Variants in BANP observed in about 807,000 individuals in gnomAD.
BANP encodes the protein protein BANP.
BANP carries 11 observed loss-of-function variants against 68.1 expected under a neutral mutation model. That is an observed-to-expected ratio of 0.16 (90% CI 0.10 to 0.27). The LOEUF (loss-of-function observed/expected upper bound fraction) is 0.27, where lower values mean the gene tolerates loss of function less well. Ranked by LOEUF, BANP falls within the 10% of genes least tolerant of loss-of-function variation. The pLI, the probability that BANP is intolerant of heterozygous loss-of-function variation, is 1.00. For synonymous variants in BANP, 329 were observed against 303.2 expected, an observed-to-expected ratio of 1.09 and a Z score of -0.88; for missense variants, 504 against 722.7, an observed-to-expected ratio of 0.70 and a Z score of 3.47.
chr16:88,042,527 A>G (rs561020229), intron 11 of BANP, among the ~76,000 whole-genome samples: 8 of 152,374 alleles, frequency 5.3e-5, no homozygotes, highest in Admixed American at 5.2e-4. Context: ...CTAGGTGCAC[A>G]TGCTGTCGTG....
At chr16:88,038,266 A>G (rs72631418) in intron 11 of BANP, among the ~76,000 whole-genome samples, 39,200 of 152,036 alleles carry the variant, frequency 0.26, 5,763 homozygotes, top group East Asian at 0.6. Flanking sequence ...CATACAGGCC[A>G]TGGTGCTGCC....
intron 7 of BANP, among the ~76,000 whole-genome samples, chr16:88,025,710 A>T (rs111767457): frequency 6.6e-6 from 1 of 152,200 alleles, no homozygotes. Flanking sequence ...TCGAGTACTT[A>T]AAAAAACCCA....
rs916868114 is a variant in BANP, at chr16:88,056,851, A to G, written c.1312-8416A>G. ...CATTGAGTGAATGAATACAATGGCA[A>G]CTGTTGCCAAGTTAGCAGTTAGTTA... On this transcript the variant is annotated intron_variant, in intron 11 of 13. Coordinates refer to ENST00000682872, the MANE Select transcript of BANP (RefSeq NM_001386991.1). 2.6e-5 allele frequency among the ~76,000 whole-genome samples: 4 copies of G among 152,366 alleles called. 1 individual carries two copies. Among genetic ancestry groups the G allele is most frequent in the South Asian group, 2.1e-4 (1 of 4,830 alleles).
chr16:88,033,206 G>T lies in BANP; in HGVS notation c.1161G>T (p.Val387=). 6.2e-7 allele frequency: 1 copy of T among 1,609,772 alleles called. No homozygotes were observed. Among genetic ancestry groups the T allele is most frequent in the South Asian group, 1.1e-5 (1 of 90,760 alleles). The part of the protein sequence containing the change: ...LHYALANAQQ[V]QIHQIGEDGQ... ...ACGCGCTGGCCAACGCACAGCAGGTGCAGATCCACCAGATCGGAGAAGACG... is the reference window on the plus strand; with the variant it reads ...ACGCGCTGGCCAACGCACAGCAGGTTCAGATCCACCAGATCGGAGAAGACG... The change falls in exon 9 of 14, where the codon GTG becomes GTT. Residue 387 remains valine (V), a synonymous_variant. Coordinates refer to ENST00000682872, the MANE Select transcript of BANP (RefSeq NM_001386991.1).
intron 7 of BANP, among the ~76,000 whole-genome samples, chr16:88,026,101 C>T (rs1352427540): frequency 1.3e-5 from 2 of 152,228 alleles, no homozygotes; most frequent in African/African-American, 4.8e-5. Context: ...GAATACAGGG[C>T]ATCTCTGGAT....
intron 8 of BANP, among the ~76,000 whole-genome samples, chr16:88,030,916 T>C (rs1313042521): frequency 2.0e-5 from 3 of 152,174 alleles, no homozygotes; most frequent in Non-Finnish European, 4.4e-5. Flanking sequence ...AAATGGAGAT[T>C]TCACAAGGTT....
At chr16:88,013,971 G>T (rs1195303350) in intron 6 of BANP, among the ~76,000 whole-genome samples, 1 of 152,216 alleles carries the variant, frequency 6.6e-6, no homozygotes, top group Non-Finnish European at 1.5e-5. Context: ...TGAGCAGGAA[G>T]CGCAGGGCGT....
At chr16:88,038,361 A>G (rs2079919859) in intron 11 of BANP, among the ~76,000 whole-genome samples, 1 of 152,062 alleles carries the variant, frequency 6.6e-6, no homozygotes, top group South Asian at 2.1e-4. Context: ...TTTCCTCACC[A>G]TGACAATGCA....
Position 87,975,171 on chromosome 16 carries a change from G to C in BANP, c.56G>C (p.Ser19Thr). 1 of 1,614,128 alleles carries C rather than the reference G, an allele frequency of 6.2e-7. No individual in the cohort carries two copies. Among genetic ancestry groups the C allele is most frequent in the African/African-American group, 1.3e-5 (1 of 75,026 alleles). ...GTTCAGATTGCAGTGGAAGACCTGA[G>C]CCCTGACCACCCAGGTACAGAGCTG... ...DVVQIAVEDL[S>T]PDHPVVLENH... is the part of the protein sequence containing the mutation. Residue 19 changes from serine to threonine, a missense_variant, in exon 2 of 14, where the codon AGC becomes ACC. By Grantham distance (58) the Ser-to-Thr change is moderately conservative (BLOSUM62 1). This residue lies in a region of BANP where 238 missense variants were observed against 278.9 expected (regional missense o/e 0.85). Coordinates refer to ENST00000682872, the MANE Select transcript of BANP (RefSeq NM_001386991.1).
In BANP at chr16:87,973,191, T is replaced by C. The variant is rs975790898; in HGVS notation, c.-68-1857T>C. ...CTCATTCCGTCTTTCCCAGCTGGACTTTTTAGAGGTTCAGCGCTGGTGCCT... is the reference window on the plus strand; with the variant it reads ...CTCATTCCGTCTTTCCCAGCTGGACCTTTTAGAGGTTCAGCGCTGGTGCCT... On this transcript the variant is annotated intron_variant, in intron 1 of 13. Transcript: ENST00000682872. Among the ~76,000 whole-genome samples, 4 of 152,172 alleles carry C rather than the reference T, an allele frequency of 2.6e-5. No individual in the cohort carries two copies. The Middle Eastern group carries it at 0.01, about 388-fold the overall frequency.
rs1260987815 is a variant in BANP at position 88,077,198 on chromosome 16, G to C, written c.*537G>C. The C allele has an allele frequency of 2.6e-5, 4 of 152,670 alleles. No individual in the cohort carries two copies. The highest frequency in any genetic ancestry group is 7.2e-5 in the African/African-American group (3 of 41,480). 9.5% of individuals were successfully genotyped at this position (152,670 alleles called of 1,614,324 possible). ...GTGCTCTGTCCAGTGTCATGAGGCA[G>C]GTGTTTGCAAAGCCAGCTCTCGGTT... On this transcript the variant is annotated 3_prime_UTR_variant, in exon 14 of 14. Coordinates refer to ENST00000682872, the MANE Select transcript of BANP (RefSeq NM_001386991.1).
chr16:87,984,605 T>C (rs1010685588), intron 4 of BANP, among the ~76,000 whole-genome samples: 4 of 152,290 alleles, frequency 2.6e-5, no homozygotes, highest in African/African-American at 9.6e-5. Flanking sequence ...TTTCTTCGTA[T>C]GTGGTGTTTA....
intron 8 of BANP, among the ~76,000 whole-genome samples, chr16:88,030,572 T>C (rs143934304): frequency 1.4e-3 from 214 of 152,332 alleles, no homozygotes; most frequent in African/African-American, 4.3e-3. Flanking sequence ...CTGCCAGATA[T>C]GTTGGCCTGC....
At chr16:88,055,267 C>G (rs2084707808) in intron 11 of BANP, among the ~76,000 whole-genome samples, 1 of 152,028 alleles carries the variant, frequency 6.6e-6, no homozygotes, top group South Asian at 2.1e-4. Context: ...ATCTGTAATC[C>G]ATACACCCAC....
intron 13 of BANP, among the ~76,000 whole-genome samples, chr16:88,075,599 C>T (rs1204462766): frequency 6.6e-6 from 1 of 152,208 alleles, no homozygotes; most frequent in Non-Finnish European, 1.5e-5. Context: ...TCTCCTGGCT[C>T]TTCCTTTGTG....
intron 2 of BANP, among the ~76,000 whole-genome samples, chr16:87,977,736 A>C (rs1246745347): frequency 6.6e-6 from 1 of 152,262 alleles, no homozygotes; most frequent in Non-Finnish European, 1.5e-5. Context: ...TTCTAGGATC[A>C]TCTGACTTGG....
At chr16:88,073,353 C>A (rs559667637) in intron 13 of BANP, among the ~76,000 whole-genome samples, 1 of 152,262 alleles carries the variant, frequency 6.6e-6, no homozygotes, top group African/African-American at 2.4e-5. Context: ...CTCCTCTGGC[C>A]TGAGCATTCC....
Position 88,052,518 on chromosome 16 carries a change from G to T in BANP, c.1312-12749G>T, listed in dbSNP as rs563787604. On this transcript the variant is annotated intron_variant, in intron 11 of 13. Coordinates refer to ENST00000682872, the MANE Select transcript of BANP (RefSeq NM_001386991.1). ...CCAGAACTCAACTCTCATGATTCCT[G>T]AACATTGCCTGCAGATCCCCCAGAG... 7.2e-5 allele frequency among the ~76,000 whole-genome samples: 11 copies of T among 151,992 alleles called. No homozygotes were observed. The East Asian group carries it at 2.1e-3, about 29-fold the overall frequency.
intron 1 of BANP, chr16:87,956,591 G>T (rs1298870111): frequency 6.6e-6 from 1 of 152,278 alleles, no homozygotes; most frequent in East Asian, 1.9e-4. Flanking sequence ...GGGCCCTTCA[G>T]CCCCTGCAGG....
Sources: allele counts gnomAD v4.1 joint callset (sites outside exome capture counted in the v4.1 genomes callset), GRCh38; gene constraint gnomAD v4.1.1; regional missense constraint gnomAD v4.1.1; transcripts MANE v1.5; gene names NCBI Gene and HGNC (gene_info 2026-07-23, HGNC 2026-07-21).